PDGFC: variants seen among roughly 807,000 people sequenced by gnomAD.
PDGFC encodes the protein platelet-derived growth factor C.
PDGFC carries 12 observed loss-of-function variants against 35.5 expected under a neutral mutation model. That is an observed-to-expected ratio of 0.34 (90% CI 0.22 to 0.55). The LOEUF (loss-of-function observed/expected upper bound fraction) is 0.55. Among genes scored for constraint, PDGFC ranks in the 20% least tolerant of loss-of-function variants. The pLI is 0.91. For synonymous variants in PDGFC, 159 were observed against 148.8 expected (o/e 1.07, Z -0.50); for missense variants, 322 against 412.4 (o/e 0.78, Z 1.90).
intron 1 of PDGFC, among the ~76,000 whole-genome samples, chr4:156,953,556 G>GAAA: frequency 6.6e-6 from 1 of 151,692 alleles, no homozygotes. Flanking sequence ...AAAAAGTAGA[G>GAAA]AAAAAAAGAT....
intron 3 of PDGFC, among the ~76,000 whole-genome samples, chr4:156,801,149 C>G (rs1268396662): frequency 6.6e-6 from 1 of 152,124 alleles, no homozygotes; most frequent in Non-Finnish European, 1.5e-5. Flanking sequence ...TCCACTCAGA[C>G]TCTTAACAGG....
At chr4:156,863,563 A>G (rs1354798317) in intron 1 of PDGFC, among the ~76,000 whole-genome samples, 2 of 152,162 alleles carry the variant, frequency 1.3e-5, no homozygotes, top group African/African-American at 4.8e-5. Context: ...ATATGATCCA[A>G]TAACAGTTTT....
At position 156,935,161 on chromosome 4, in the gene PDGFC, C is replaced by A. The variant is rs186350496; in HGVS notation, c.118+35625G>T. On this transcript the variant is annotated intron_variant, in intron 1 of 5. Coordinates refer to ENST00000502773, the MANE Select transcript of PDGFC (RefSeq NM_016205.3). ...TACAGGCGTGCACCACCACGCCCAA[C>A]TAATTTTTGTATTTTTCATACAGAC... Among the ~76,000 whole-genome samples the A allele has an allele frequency of 3.3e-3, 508 of 152,200 alleles. 5 individuals are homozygous for A. Among genetic ancestry groups the A allele is most frequent in the Middle Eastern group, 0.031 (9 of 294 alleles).
chr4:156,822,567 G>A (rs1022883485), intron 2 of PDGFC, among the ~76,000 whole-genome samples: 1 of 151,792 alleles, frequency 6.6e-6, no homozygotes, highest in Non-Finnish European at 1.5e-5. Context: ...AACATGTAAT[G>A]CATATTATGA....
intron 3 of PDGFC, among the ~76,000 whole-genome samples, chr4:156,790,950 G>A (rs1731283973): frequency 6.6e-6 from 1 of 152,014 alleles, no homozygotes; most frequent in Non-Finnish European, 1.5e-5. Context: ...TCCTACATTG[G>A]CATCAATTTC....
chr4:156,782,589 A>T (rs1171084904), intron 3 of PDGFC, among the ~76,000 whole-genome samples: 2 of 152,182 alleles, frequency 1.3e-5, no homozygotes, highest in African/African-American at 2.4e-5. Context: ...ACAGATCTGA[A>T]CACTTTCAAA....
chr4:156,841,557 A>C (rs1270318777), intron 2 of PDGFC: 1 of 148,658 alleles, frequency 6.7e-6, no homozygotes, highest in Non-Finnish European at 1.5e-5. Context: ...CCCAGGCTGG[A>C]GTGCAGTGGC....
At chr4:156,888,533 C>T (rs1474363442) in intron 1 of PDGFC, among the ~76,000 whole-genome samples, 1 of 152,146 alleles carries the variant, frequency 6.6e-6, no homozygotes, top group Non-Finnish European at 1.5e-5. Flanking sequence ...TTCTTTCTTA[C>T]TCTATTATCA....
At chr4:156,763,267 A>C in intron 5 of PDGFC, 61 bp from the exon 6 acceptor site, 1 of 826,362 alleles carries the variant, frequency 1.2e-6, no homozygotes, top group Non-Finnish European at 2.1e-6. Context: ...ACTGGCTTTT[A>C]TAAACAAGTA....
intron 1 of PDGFC, among the ~76,000 whole-genome samples, chr4:156,859,639 C>G (rs1579060489): frequency 6.6e-6 from 1 of 152,138 alleles, no homozygotes; most frequent in East Asian, 1.9e-4. Flanking sequence ...AAATTACCTC[C>G]CTACCCCACA....
chr4:156,790,171 C>A lies in PDGFC; in HGVS notation c.496-17278G>T, dbSNP rs186839427. ...TGTATCTGTAAGACAGATAATAACA[C>A]ATAAGCTATCTAATTTAATGGGTTG... On this transcript the variant is annotated intron_variant, in intron 3 of 5. Coordinates refer to ENST00000502773, the MANE Select transcript of PDGFC (RefSeq NM_016205.3). Among the ~76,000 whole-genome samples, 158 of 152,118 alleles carry A rather than the reference C, an allele frequency of 1.0e-3. 3 individuals carry two copies. The Middle Eastern group carries it at 0.034, about 33-fold the overall frequency.
chr4:156,847,332 T>C (rs1729350562), intron 2 of PDGFC, among the ~76,000 whole-genome samples: 1 of 151,768 alleles, frequency 6.6e-6, no homozygotes, highest in Non-Finnish European at 1.5e-5. Context: ...TAAGGGCATA[T>C]CACCTATTTG....
At chr4:156,920,578 T>A (rs539146809) in intron 1 of PDGFC, among the ~76,000 whole-genome samples, 2 of 149,406 alleles carry the variant, frequency 1.3e-5, no homozygotes, top group South Asian at 4.2e-4. Flanking sequence ...AAGAAAAAAA[T>A]GATCTAAGAA....
At chr4:156,916,972 G>T (rs985928349) in intron 1 of PDGFC, among the ~76,000 whole-genome samples, 1 of 152,128 alleles carries the variant, frequency 6.6e-6, no homozygotes, top group Non-Finnish European at 1.5e-5. Context: ...AAAGCCACAG[G>T]TTCTGTGAAC....
chr4:156,846,556 C>T (rs1296453504), intron 2 of PDGFC, among the ~76,000 whole-genome samples: 1 of 151,428 alleles, frequency 6.6e-6, no homozygotes, highest in Non-Finnish European at 1.5e-5. Flanking sequence ...TTACAATAAC[C>T]AAATGCAATT....
rs186295992 is a variant in PDGFC, at chr4:156,819,425, T to A, written c.315-8408A>T. ...GGTGACTTTACGTTGAAGCTAATGCTCATTTACCATTCCAAAAATGCTAGG... is the reference window on the plus strand; with the variant it reads ...GGTGACTTTACGTTGAAGCTAATGCACATTTACCATTCCAAAAATGCTAGG... On this transcript the variant is annotated intron_variant, in intron 2 of 5. Transcript: ENST00000502773. Among the ~76,000 whole-genome samples the A allele has an allele frequency of 2.3e-3, 348 of 152,316 alleles. 1 individual carries two copies. The highest frequency in any genetic ancestry group is 4.8e-3 in the Admixed American group (73 of 15,300).
chr4:156,947,508 C>T (rs1341526572), intron 1 of PDGFC, among the ~76,000 whole-genome samples: 1 of 151,926 alleles, frequency 6.6e-6, no homozygotes, highest in African/African-American at 2.4e-5. Context: ...ACAAGAAAAA[C>T]TGAAATTCAG....
intron 1 of PDGFC, among the ~76,000 whole-genome samples, chr4:156,934,585 T>G (rs771186409): frequency 2.0e-4 from 30 of 152,382 alleles, no homozygotes; most frequent in Admixed American, 4.6e-4. Context: ...TATACTAGCC[T>G]TAGCTTACTG....
Position 156,825,587 on chromosome 4 carries a change from TAATAATAAG to T in PDGFC, c.315-14579_315-14571del, listed in dbSNP as rs1475957837. ...ATAATAATAATAATAATAATAATAA[TAATAATAAG>T]AAGAAGAAGAAGAAGAAGAAGAAGA... is the stretch of plus-strand genomic sequence containing the variant. On this transcript the variant is annotated intron_variant, in intron 2 of 5. Coordinates refer to ENST00000502773, the MANE Select transcript of PDGFC (RefSeq NM_016205.3). Among the ~76,000 whole-genome samples, 610 of 87,076 alleles carry T rather than the reference TAATAATAAG, an allele frequency of 7.0e-3. 2 individuals carry two copies. The highest frequency in any genetic ancestry group is 0.013 in the African/African-American group (206 of 16,236). 57.1% of individuals were successfully genotyped at this position (87,076 alleles called of 152,430 possible). A position where few individuals can be genotyped will look rare whatever the true frequency, so the allele number is the denominator to read the frequency against.
Sources: allele counts gnomAD v4.1 joint callset (sites outside exome capture counted in the v4.1 genomes callset), GRCh38; gene constraint gnomAD v4.1.1; transcripts MANE v1.5; gene names NCBI Gene and HGNC (gene_info 2026-07-23, HGNC 2026-07-21).